TP53I13: variants seen among roughly 807,000 people sequenced by gnomAD.
TP53I13 encodes tumor protein p53 inducible protein 13, also known as tumor protein p53-inducible protein 13.
TP53I13 carries 27 observed loss-of-function variants against 39.1 expected under a neutral mutation model. That is an observed-to-expected ratio of 0.69 (90% CI 0.51 to 0.95). TP53I13 has a LOEUF of 0.95. Among genes scored for constraint, TP53I13 ranks in the 40% least tolerant of loss-of-function variants. The pLI is 0.00. For missense variants in TP53I13, 544 were observed against 520.4 expected, an observed-to-expected ratio of 1.05 and a Z score of -0.44; for synonymous variants, 230 against 224.6, an observed-to-expected ratio of 1.02 and a Z score of -0.22.
downstream of TP53I13, chr17:29,575,341 G>A (rs1409204069): frequency 1.9e-6 from 3 of 1,613,604 alleles, no homozygotes; most frequent in Admixed American, 5.0e-5. This position sits in a 1 kb window ranked among gnomAD's most constrained non-coding sequence, Gnocchi z 5.5. Flanking sequence ...TGTTCTTGGT[G>A]ACCTGCTCTG....
At chr17:29,566,809 C>T (rs924408839), upstream of TP53I13, 33 of 1,515,592 alleles carry the variant, frequency 2.2e-5, no homozygotes, top group Admixed American at 6.1e-5. Context: ...CGCCGGGCCT[C>T]CGCCGTCCGC....
the TP53I13 span, chr17:29,578,270 A>G: frequency 1.3e-6 from 2 of 1,589,808 alleles, no homozygotes; most frequent in Non-Finnish European, 1.7e-6. Context: ...CGGGTCCTCC[A>G]CGCCAGACAC....
intron 2 of TP53I13, 103 bp downstream of exon 2, chr17:29,569,189 C>A: frequency 6.8e-7 from 1 of 1,471,790 alleles, no homozygotes; most frequent in Non-Finnish European, 9.3e-7. Context: ...AGGACCTCTG[C>A]CGGTTCCTCA....
chr17:29,566,771 G>A, upstream of TP53I13: 4 of 1,522,738 alleles, frequency 2.6e-6, no homozygotes, highest in Non-Finnish European at 3.5e-6. Flanking sequence ...CCTCCCGGCA[G>A]TGGCTCGCGC....
chr17:29,581,120 A>G, the TP53I13 span: 1 of 588,144 alleles, frequency 1.7e-6, no homozygotes, highest in Non-Finnish European at 3.0e-6. This position sits in a 1 kb window ranked among gnomAD's most constrained non-coding sequence, Gnocchi z 4.8. Flanking sequence ...TGTACTTGAC[A>G]GTCACGGGGC....
intron 3 of TP53I13, chr17:29,570,846 A>C (rs2150803898): frequency 6.6e-6 from 1 of 152,460 alleles, no homozygotes; most frequent in Middle Eastern, 3.3e-3. Flanking sequence ...CGGAGAGTGC[A>C]GCTCCCTGCC....
chr17:29,576,355 G>A, downstream of TP53I13: 2 of 1,613,424 alleles, frequency 1.2e-6, no homozygotes, highest in Non-Finnish European at 1.7e-6. Flanking sequence ...CTGGCGCCAT[G>A]GGTGTGTGTT....
downstream of TP53I13, chr17:29,573,298 G>A (rs1021303928): frequency 1.1e-4 from 23 of 214,852 alleles, no homozygotes; most frequent in Admixed American, 3.0e-4. Context: ...ATGTGCTCGT[G>A]GGAGGGTGGC....
At chr17:29,569,431 G>A (rs971522890) in intron 3 of TP53I13, 72 bp downstream of exon 3, 3 of 1,482,476 alleles carry the variant, frequency 2.0e-6, no homozygotes, top group African/African-American at 2.8e-5. Flanking sequence ...AGGCTTCGCT[G>A]CCTGTTCTGC....
At chr17:29,574,546 G>T (rs1174315989), downstream of TP53I13, 1 of 713,500 alleles carries the variant, frequency 1.4e-6, no homozygotes, top group Admixed American at 2.0e-5. Context: ...GGGCTCGACA[G>T]GGGTGGGCAC....
chr17:29,578,261 G>C, the TP53I13 span: 4 of 1,547,706 alleles, frequency 2.6e-6, no homozygotes, highest in East Asian at 4.5e-5. Context: ...TGGGCCGCTC[G>C]GGTCCTCCAC....
chr17:29,569,396 A>G (rs367768951), intron 3 of TP53I13, 37 bp downstream of exon 3: 220 of 1,606,766 alleles, frequency 1.4e-4, no homozygotes, highest in Middle Eastern at 5.0e-4. Context: ...CTTGGTGTCC[A>G]CGCCTGGAGA....
At chr17:29,575,275 C>T (rs773784492), downstream of TP53I13, 3 of 1,604,764 alleles carry the variant, frequency 1.9e-6, no homozygotes, top group South Asian at 1.1e-5. This position sits in a 1 kb window ranked among gnomAD's most constrained non-coding sequence, Gnocchi z 5.5. Flanking sequence ...TCACCTCCCC[C>T]TCCACTCAGT....
At position 29,568,755 on chromosome 17, in the gene TP53I13, T is replaced by A; in HGVS notation, c.-4T>A. ...GCGGCGGGCCGGGCCCGGGGCCGCTTGGAATGGCGCCTCCTCCGCCTTCGC... is the reference window on the plus strand; with the variant it reads ...GCGGCGGGCCGGGCCCGGGGCCGCTAGGAATGGCGCCTCCTCCGCCTTCGC... On this transcript the variant is annotated 5_prime_UTR_variant, in exon 1 of 7. Coordinates refer to ENST00000301057, the MANE Select transcript of TP53I13 (RefSeq NM_138349.4). This position sits in a 1 kb window ranked among gnomAD's most constrained non-coding sequence, Gnocchi z 4.5. The A allele has an allele frequency of 6.4e-7, 1 of 1,573,618 alleles. No homozygotes were observed. The highest frequency in any genetic ancestry group is 8.6e-7 in the Non-Finnish European group (1 of 1,168,878).
the TP53I13 span, among the ~76,000 whole-genome samples, chr17:29,580,137 T>C: frequency 0.023 from 3,501 of 152,290 alleles, 51 homozygotes; most frequent in Middle Eastern, 0.082. Context: ...CCCAGCTAGA[T>C]TGTGAGCTCC....
Position 29,572,313 on chromosome 17 carries a change from A to G in TP53I13, c.685A>G (p.Ser229Gly). 1.2e-6 allele frequency: 2 copies of G among 1,612,730 alleles called. No homozygotes were observed. The highest frequency in any genetic ancestry group is 2.7e-5 in the African/African-American group (2 of 75,054). Residue 229 changes from serine to glycine, a missense_variant, in exon 6 of 7, where the codon AGC becomes GGC. Ser to Gly is a moderately conservative substitution (Grantham distance 56). Coordinates refer to ENST00000301057, the MANE Select transcript of TP53I13 (RefSeq NM_138349.4). ...GAGGTTTCCCTCTGCTTCCCCAGGG[A>G]GCTTGAAGGCCAAGCAGTCCATGGC... ...ALRFPSASPG[S>G]LKAKQSMAGI...
downstream of TP53I13, chr17:29,576,768 C>T (rs2033220237): frequency 6.3e-7 from 1 of 1,578,190 alleles, no homozygotes; most frequent in Non-Finnish European, 8.6e-7. Context: ...GCCCACCTGT[C>T]CCTCAGGCCC....
At chr17:29,566,385 G>A (rs771674609), upstream of TP53I13, 2 of 1,611,074 alleles carry the variant, frequency 1.2e-6, no homozygotes, top group Non-Finnish European at 1.7e-6. Context: ...CGTGGTGGCC[G>A]CGGCGATGGA....
At chr17:29,582,284 A>T in the TP53I13 span, 3 of 642,682 alleles carry the variant, frequency 4.7e-6, no homozygotes, top group African/African-American at 5.4e-5. Flanking sequence ...GGGAGGACAG[A>T]GGCTTCCCGC....
Sources: allele counts gnomAD v4.1 joint callset (sites outside exome capture counted in the v4.1 genomes callset), GRCh38; gene constraint gnomAD v4.1.1; non-coding constraint Gnocchi (gnomAD v3.1); transcripts MANE v1.5; gene names NCBI Gene and HGNC (gene_info 2026-07-23, HGNC 2026-07-21).